The following CHST9 variants were observed in gnomAD, a reference collection of about 807,000 sequenced individuals.
CHST9 encodes the protein GalNAc-4-sulfotransferase 2.
Under a neutral mutation model 44.4 loss-of-function variants are expected in CHST9, and 41 were observed. The observed-to-expected ratio is 0.92, with a 90% CI of 0.72 to 1.20. The LOEUF is 1.20. Among genes scored for constraint, CHST9 ranks in the 50% most tolerant of loss-of-function variants. CHST9 has a pLI of 0.00. For missense variants in CHST9, 504 were observed against 516.5 expected, an observed-to-expected ratio of 0.98 and a Z score of 0.23; for synonymous variants, 171 against 178.4, an observed-to-expected ratio of 0.96 and a Z score of 0.33.
intron 2 of CHST9, among the ~76,000 whole-genome samples, chr18:27,058,889 G>A (rs967816220): frequency 2.0e-5 from 3 of 152,088 alleles, no homozygotes; most frequent in African/African-American, 7.2e-5. Context: ...CACAGGAATA[G>A]TCAAAACAAC....
In CHST9 at chr18:27,169,346, T is replaced by C. The variant is rs149878948; in HGVS notation, c.-97+15790A>G. Among the ~76,000 whole-genome samples, 435 of 152,306 alleles carry C rather than the reference T, an allele frequency of 2.9e-3. 2 individuals carry two copies. The highest frequency in any genetic ancestry group is 9.2e-3 in the African/African-American group (381 of 41,560). On this transcript the variant is annotated intron_variant, in intron 1 of 5. Transcript: ENST00000618847. ...ACTTTGATTACAAAATTAAATTTACTAGAAATATAATTCTAAACTTATATG... is the reference window on the plus strand; with the variant it reads ...ACTTTGATTACAAAATTAAATTTACCAGAAATATAATTCTAAACTTATATG...
At chr18:27,094,044 A>C (rs2058094064) in intron 2 of CHST9, among the ~76,000 whole-genome samples, 1 of 152,210 alleles carries the variant, frequency 6.6e-6, no homozygotes, top group African/African-American at 2.4e-5. Flanking sequence ...AAATATCTGC[A>C]AAAGGGTTAT....
chr18:27,044,477 A>G (rs894568615), intron 3 of CHST9, among the ~76,000 whole-genome samples: 14 of 152,020 alleles, frequency 9.2e-5, no homozygotes, highest in African/African-American at 3.4e-4. Flanking sequence ...TAACTGGAAT[A>G]ATGATTCTCA....
At chr18:27,181,313 C>G (rs1321424239) in intron 1 of CHST9, among the ~76,000 whole-genome samples, 1 of 152,160 alleles carries the variant, frequency 6.6e-6, no homozygotes, top group East Asian at 1.9e-4. Flanking sequence ...TCATCTACAA[C>G]CCATTTTGCC....
At chr18:27,061,356 C>G (rs993912178) in intron 2 of CHST9, among the ~76,000 whole-genome samples, 40 of 152,186 alleles carry the variant, frequency 2.6e-4, no homozygotes, top group Admixed American at 1.2e-3. Flanking sequence ...GCTAAATACA[C>G]TAGGAATAAA....
chr18:27,179,736 C>A (rs1426876), intron 1 of CHST9, among the ~76,000 whole-genome samples: 1 of 151,948 alleles, frequency 6.6e-6, no homozygotes, highest in Non-Finnish European at 1.5e-5. Context: ...ACATTCCCAC[C>A]AAAAGCCGAG....
intron 5 of CHST9, among the ~76,000 whole-genome samples, chr18:26,942,786 A>C (rs1441945485): frequency 1.3e-5 from 2 of 152,214 alleles, no homozygotes; most frequent in African/African-American, 4.8e-5. Context: ...AAACCACTTG[A>C]GCACATACAA....
intron 2 of CHST9, among the ~76,000 whole-genome samples, chr18:27,073,882 TTCTG>T (rs2057870780): frequency 6.6e-6 from 1 of 152,178 alleles, no homozygotes; most frequent in South Asian, 2.1e-4. Flanking sequence ...GCATTACATT[TTCTG>T]TCTCTTTGGG....
chr18:26,989,205 A>G (rs1024831706), intron 4 of CHST9, among the ~76,000 whole-genome samples: 3 of 152,206 alleles, frequency 2.0e-5, no homozygotes, highest in African/African-American at 7.2e-5. Flanking sequence ...TAAAAGAATT[A>G]TATCAGAATA....
At chr18:27,083,538 G>T (rs1156284932) in intron 2 of CHST9, among the ~76,000 whole-genome samples, 1 of 152,106 alleles carries the variant, frequency 6.6e-6, no homozygotes, top group Non-Finnish European at 1.5e-5. Flanking sequence ...TTTGCTAAAT[G>T]ACTAATTTAT....
chr18:26,984,188 A>T (rs1297371535), intron 4 of CHST9, among the ~76,000 whole-genome samples: 1 of 152,232 alleles, frequency 6.6e-6, no homozygotes, highest in Non-Finnish European at 1.5e-5. Flanking sequence ...AATATATAAA[A>T]TGGGGAAACA....
chr18:27,084,624 A>G (rs1598710224), intron 2 of CHST9, among the ~76,000 whole-genome samples: 1 of 151,288 alleles, frequency 6.6e-6, no homozygotes, highest in Non-Finnish European at 1.5e-5. Flanking sequence ...GATCTTTTGT[A>G]TGGTTTTTTT....
intron 4 of CHST9, among the ~76,000 whole-genome samples, chr18:27,007,961 A>G (rs77533178): frequency 0.1 from 15,815 of 152,212 alleles, 1,064 homozygotes; most frequent in East Asian, 0.32. Flanking sequence ...GGGAGAATAC[A>G]GAGCATTGCA....
intron 4 of CHST9, among the ~76,000 whole-genome samples, chr18:27,020,793 G>C (rs562789722): frequency 1.3e-5 from 2 of 152,244 alleles, no homozygotes; most frequent in East Asian, 3.9e-4. Flanking sequence ...AATCTCTCTC[G>C]GAGGTAAGTT....
rs2058878952 is a variant in CHST9 at position 27,177,621 on chromosome 18, CT to C, written c.-97+7514del. ...AATCTAACAGAGCCTTCTGAAATTT[CT>C]TTTACCACATTAGCTGGGTATATTT... On this transcript the variant is annotated intron_variant, in intron 1 of 5. Coordinates refer to ENST00000618847, the MANE Select transcript of CHST9 (RefSeq NM_031422.6). Among the ~76,000 whole-genome samples, 3 of 151,938 alleles carry C rather than the reference CT, an allele frequency of 2.0e-5. No homozygotes were observed. The South Asian group carries it at 6.2e-4, about 31-fold the overall frequency.
intron 2 of CHST9, among the ~76,000 whole-genome samples, chr18:27,102,164 T>C (rs1405246893): frequency 6.6e-6 from 1 of 152,222 alleles, no homozygotes; most frequent in Non-Finnish European, 1.5e-5. Flanking sequence ...ACTATACTGA[T>C]GATCAAGTTT....
chr18:27,145,173 C>CGTTT (rs760869111), intron 1 of CHST9, among the ~76,000 whole-genome samples: 50 of 151,688 alleles, frequency 3.3e-4, no homozygotes, highest in African/African-American at 9.9e-4. Flanking sequence ...ACTTCTTTTC[C>CGTTT]GTTTGTTTGT....
At chr18:27,054,393 C>G (rs1345177745) in intron 2 of CHST9, among the ~76,000 whole-genome samples, 1 of 152,114 alleles carries the variant, frequency 6.6e-6, no homozygotes, top group Non-Finnish European at 1.5e-5. Context: ...TCTGCTTAAA[C>G]CTGGATGCAG....
At chr18:27,059,523 A>G (rs1226381525) in intron 2 of CHST9, among the ~76,000 whole-genome samples, 1 of 152,230 alleles carries the variant, frequency 6.6e-6, no homozygotes, top group Admixed American at 6.5e-5. Context: ...TCATTAGGAA[A>G]GGTAATGATA....
Sources: gnomAD v4.1 joint callset for allele counts (sites outside exome capture counted in the v4.1 genomes callset) on GRCh38, gnomAD v4.1.1 for gene constraint, MANE v1.5 for transcripts, NCBI Gene and HGNC (gene_info 2026-07-23, HGNC 2026-07-21) for gene names.